AUH: variants seen among roughly 807,000 people sequenced by gnomAD.
AUH encodes AU RNA binding methylglutaconyl-CoA hydratase.
A neutral mutation model predicts 42.3 loss-of-function variants in AUH; 29 were observed. The ratio of observed to expected loss-of-function variants is 0.69; its 90% confidence interval spans 0.51 to 0.93. The LOEUF is 0.93. Among genes scored for constraint, AUH ranks in the 40% least tolerant of loss-of-function variants. AUH has a pLI of 0.00. For synonymous variants in AUH, 174 were observed against 166.4 expected (o/e 1.05, Z -0.35); for missense variants, 452 against 438.1 (o/e 1.03, Z -0.28).
chr9:91,219,480 AT>A (rs1587618060), intron 7 of AUH, among the ~76,000 whole-genome samples: 1 of 152,326 alleles, frequency 6.6e-6, no homozygotes, highest in East Asian at 1.9e-4. Flanking sequence ...CTTCTCTCAT[AT>A]TTGGGAAGAA....
intron 3 of AUH, among the ~76,000 whole-genome samples, chr9:91,334,462 C>T (rs1830555035): frequency 6.6e-6 from 1 of 152,208 alleles, no homozygotes; most frequent in Non-Finnish European, 1.5e-5. Flanking sequence ...CATCTCATCT[C>T]ATCTTCCCCT....
At chr9:91,301,751 A>G (rs1827801442) in intron 4 of AUH, among the ~76,000 whole-genome samples, 1 of 152,200 alleles carries the variant, frequency 6.6e-6, no homozygotes, top group Non-Finnish European at 1.5e-5. Flanking sequence ...AGCAAGTCTC[A>G]GGCACCATAT....
intron 4 of AUH, among the ~76,000 whole-genome samples, chr9:91,310,941 C>T (rs1164460462): frequency 6.6e-6 from 1 of 152,158 alleles, no homozygotes; most frequent in Non-Finnish European, 1.5e-5. Context: ...TTATTAGTGA[C>T]TTGTTTTGCA....
rs551070212 is a variant in AUH, at chr9:91,282,782, T to C, written c.655+13239A>G. On this transcript the variant is annotated intron_variant, in intron 6 of 9. Coordinates refer to ENST00000375731, the MANE Select transcript of AUH (RefSeq NM_001698.3). ...ACCAGGAAGAAGCTGAATCCCTGAA[T>C]AGACCAATAACAGGCTCTGAAATTG... Among the ~76,000 whole-genome samples, 298 of 152,268 alleles carry C rather than the reference T, an allele frequency of 2.0e-3. 1 individual carries two copies. Among genetic ancestry groups the C allele is most frequent in the African/African-American group, 6.7e-3 (280 of 41,538 alleles).
intron 4 of AUH, among the ~76,000 whole-genome samples, chr9:91,313,758 A>G (rs951532353): frequency 2.0e-5 from 3 of 151,536 alleles, no homozygotes; most frequent in Non-Finnish European, 4.4e-5. Context: ...TATGAGAAGA[A>G]CTAGTGAAAA....
At chr9:91,243,880 A>G (rs1828649922) in intron 6 of AUH, among the ~76,000 whole-genome samples, 1 of 152,254 alleles carries the variant, frequency 6.6e-6, no homozygotes, top group South Asian at 2.1e-4. Context: ...AAAATCATCA[A>G]ACACTCTGTA....
chr9:91,220,049 C>G (rs1827044275), intron 7 of AUH, among the ~76,000 whole-genome samples: 1 of 152,208 alleles, frequency 6.6e-6, no homozygotes, highest in Non-Finnish European at 1.5e-5. Context: ...ACTGCTTACA[C>G]AGCAAAAGAA....
intron 6 of AUH, among the ~76,000 whole-genome samples, chr9:91,288,768 G>A (rs566748023): frequency 7.9e-5 from 12 of 151,884 alleles, no homozygotes; most frequent in Admixed American, 2.6e-4. Flanking sequence ...ACTTTTAATA[G>A]TCATTTGATA....
chr9:91,349,627 TTG>T lies in AUH; in HGVS notation c.418+6254_418+6255del, dbSNP rs146398204. On this transcript the variant is annotated intron_variant, in intron 3 of 9. Coordinates refer to ENST00000375731, the MANE Select transcript of AUH (RefSeq NM_001698.3). ...TTTGAAATAGCAGAATTGTTTTGAC[TTG>T]TGTGTGTGTGTATGTGTGTGTGGGT... Among the ~76,000 whole-genome samples the T allele has an allele frequency of 4.1e-4, 62 of 151,724 alleles. 1 individual carries two copies. The highest frequency in any genetic ancestry group is 1.4e-3 in the African/African-American group (58 of 41,336).
In AUH at chr9:91,356,079, T is replaced by C. The variant is rs145402420; in HGVS notation, c.330+9A>G. On this transcript the variant is annotated intron_variant, in intron 2 of 9. Transcript: ENST00000375731. ...TATTAGAAGCAAACAGTTTAATCTTTACACTCACCATTTTTATAAGATTTT... is the reference window on the plus strand; with the variant it reads ...TATTAGAAGCAAACAGTTTAATCTTCACACTCACCATTTTTATAAGATTTT... 17 of 1,611,142 alleles carry C rather than the reference T, an allele frequency of 1.1e-5. No individual in the cohort carries two copies. The African/African-American group carries it at 1.9e-4, about 18-fold the overall frequency.
At chr9:91,231,290 C>T (rs557985781) in intron 6 of AUH, among the ~76,000 whole-genome samples, 3 of 152,290 alleles carry the variant, frequency 2.0e-5, no homozygotes, top group South Asian at 2.1e-4. Flanking sequence ...GCGCAGTATT[C>T]GGGTCGGGTG....
chr9:91,359,159 C>T (rs968372376), intron 1 of AUH, among the ~76,000 whole-genome samples: 1 of 152,206 alleles, frequency 6.6e-6, no homozygotes, highest in Non-Finnish European at 1.5e-5. Context: ...AAAGCTCACA[C>T]AACTGAAAGA....
intron 4 of AUH, among the ~76,000 whole-genome samples, chr9:91,301,983 G>C (rs1827820332): frequency 6.6e-6 from 1 of 151,938 alleles, no homozygotes; most frequent in South Asian, 2.1e-4. Context: ...GTATTCAATG[G>C]GTAATTAAAT....
chr9:91,346,441 C>T (rs1223223382), intron 3 of AUH, among the ~76,000 whole-genome samples: 4 of 152,158 alleles, frequency 2.6e-5, no homozygotes, highest in Non-Finnish European at 5.9e-5. Context: ...TGCAACCCTC[C>T]ACCCTAACTT....
intron 6 of AUH, among the ~76,000 whole-genome samples, chr9:91,233,872 AC>A (rs1370426720): frequency 2.6e-5 from 4 of 151,970 alleles, no homozygotes; most frequent in African/African-American, 9.7e-5. Flanking sequence ...AAGCATAAGA[AC>A]CCTCTTTTCA....
At chr9:91,361,581 C>G (rs1341596787) in intron 1 of AUH, 47 bp downstream of exon 1, 1 of 1,551,688 alleles carries the variant, frequency 6.4e-7, no homozygotes. Context: ...GTCCTGAGAG[C>G]GAGCGGCCGC....
chr9:91,331,566 T>C (rs1830325495), intron 3 of AUH, among the ~76,000 whole-genome samples: 1 of 152,232 alleles, frequency 6.6e-6, no homozygotes, highest in Non-Finnish European at 1.5e-5. Context: ...ACTCTTTTCA[T>C]TTAAATATAT....
intron 1 of AUH, among the ~76,000 whole-genome samples, chr9:91,360,962 C>CAA (rs1832802397): frequency 6.6e-6 from 1 of 152,202 alleles, no homozygotes; most frequent in Non-Finnish European, 1.5e-5. Context: ...CTAGGATTGT[C>CAA]AGCCTCCTTC....
rs553574994 is a variant in AUH, at chr9:91,215,933, C to T, written c.942+126G>A. On this transcript the variant is annotated intron_variant, in intron 9 of 9. Transcript: ENST00000375731. ...AAATAGCAGAAACAACTAATTTCAACCCATTTGTATGATTTTGGAATGGGC... is the reference window on the plus strand; with the variant it reads ...AAATAGCAGAAACAACTAATTTCAATCCATTTGTATGATTTTGGAATGGGC... 1.7e-3 allele frequency: 1,612 copies of T among 973,342 alleles called. 29 individuals carry two copies. The South Asian group carries it at 0.021, about 13-fold the overall frequency. 60.3% of individuals were successfully genotyped at this position (973,342 alleles called of 1,614,324 possible). A position where few individuals can be genotyped will look rare whatever the true frequency, so the allele number is the denominator to read the frequency against.
Sources: allele counts gnomAD v4.1 joint callset (sites outside exome capture counted in the v4.1 genomes callset), GRCh38; gene constraint gnomAD v4.1.1; transcripts MANE v1.5; gene names NCBI Gene and HGNC (gene_info 2026-07-23, HGNC 2026-07-21).